RUNX2: variants seen among roughly 807,000 people sequenced by gnomAD.
RUNX2 encodes RUNX family transcription factor 2.
RUNX2 carries 10 observed loss-of-function variants against 51.7 expected under a neutral mutation model. The observed-to-expected ratio is 0.19, with a 90% CI of 0.12 to 0.33. The LOEUF (loss-of-function observed/expected upper bound fraction) is 0.33, where lower values mean the gene tolerates loss of function less well. RUNX2 is among the 10% of genes least tolerant of loss of function. The probability of loss-of-function intolerance (pLI) is 1.00; values close to 1 mark genes in which losing one functional copy is unlikely to be tolerated. For synonymous variants in RUNX2, 276 were observed against 273.6 expected (o/e 1.01, Z -0.09); for missense variants, 562 against 691.3 (o/e 0.81, Z 2.10).
intron 2 of RUNX2, among the ~76,000 whole-genome samples, chr6:45,332,695 A>G (rs1787754515): frequency 6.6e-6 from 1 of 151,850 alleles, no homozygotes; most frequent in Admixed American, 6.6e-5. Flanking sequence ...CCTCTATAGC[A>G]TCTATTAAAA....
chr6:45,374,750 A>G (rs1387063325), intron 2 of RUNX2, among the ~76,000 whole-genome samples: 1 of 152,144 alleles, frequency 6.6e-6, no homozygotes, highest in Non-Finnish European at 1.5e-5. Flanking sequence ...CCAAAAGATG[A>G]TTTTCTTCCA....
At chr6:45,350,940 G>A (rs1159827960) in intron 2 of RUNX2, among the ~76,000 whole-genome samples, 3 of 152,106 alleles carry the variant, frequency 2.0e-5, no homozygotes, top group African/African-American at 4.8e-5. Flanking sequence ...GCTCTACCTC[G>A]TGTCAGATCA....
At chr6:45,416,082 A>G (rs1370435941) in intron 2 of RUNX2, among the ~76,000 whole-genome samples, 1 of 152,238 alleles carries the variant, frequency 6.6e-6, no homozygotes, top group Non-Finnish European at 1.5e-5. Flanking sequence ...AGCATGGGGA[A>G]AAACACTGAG....
rs117337341 is a variant in RUNX2 at position 45,332,891 on chromosome 6, C to T, written c.58+4107C>T. 1.9e-3 allele frequency among the ~76,000 whole-genome samples: 292 copies of T among 151,712 alleles called. 8 individuals carry two copies. In the East Asian group the frequency reaches 0.054, roughly 28 times the overall value. On this transcript the variant is annotated intron_variant, in intron 2 of 8. Coordinates refer to ENST00000647337, the MANE Select transcript of RUNX2 (RefSeq NM_001024630.4). ...TAATTTAAGCAGAGACTTCTCAATA[C>T]GTTACCTTAATGTACTATTTTTTCT...
intron 2 of RUNX2, among the ~76,000 whole-genome samples, chr6:45,384,883 T>A (rs544102763): frequency 6.6e-6 from 1 of 151,874 alleles, no homozygotes; most frequent in Non-Finnish European, 1.5e-5. Context: ...TAAAAAAATT[T>A]TATGGAGATG....
At chr6:45,403,147 GA>G (rs148641889) in intron 2 of RUNX2, among the ~76,000 whole-genome samples, 11,707 of 151,638 alleles carry the variant, frequency 0.077, 583 homozygotes, top group African/African-American at 0.14. Context: ...CAAAAAATAG[GA>G]TTTAAGGATT....
intron 2 of RUNX2, among the ~76,000 whole-genome samples, chr6:45,389,632 C>A (rs964586548): frequency 1.3e-5 from 2 of 152,130 alleles, no homozygotes; most frequent in Non-Finnish European, 2.9e-5. Context: ...AGATCCAAGA[C>A]AGCAAGCCTT....
chr6:45,334,590 T>C (rs1390309224), intron 2 of RUNX2, among the ~76,000 whole-genome samples: 1 of 151,156 alleles, frequency 6.6e-6, no homozygotes, highest in Non-Finnish European at 1.5e-5. Flanking sequence ...GAACTTCACA[T>C]GAACACGATG....
chr6:45,468,953 C>T (rs1314256868), intron 5 of RUNX2, among the ~76,000 whole-genome samples: 1 of 152,222 alleles, frequency 6.6e-6, no homozygotes, highest in Admixed American at 6.5e-5. Context: ...GTGAACATGC[C>T]TTGCCTTTTC....
chr6:45,467,313 C>A (rs968548421), intron 5 of RUNX2, among the ~76,000 whole-genome samples: 1 of 151,978 alleles, frequency 6.6e-6, no homozygotes, highest in Non-Finnish European at 1.5e-5. Flanking sequence ...ACGAAGTCTC[C>A]CTCTGTCGCT....
At chr6:45,471,535 C>T (rs376284112) in intron 5 of RUNX2, among the ~76,000 whole-genome samples, 2 of 151,532 alleles carry the variant, frequency 1.3e-5, no homozygotes, top group African/African-American at 4.9e-5. Flanking sequence ...AGCTCCGCCT[C>T]CCAGGTTCAT....
At chr6:45,466,429 G>A (rs1011777320) in intron 5 of RUNX2, among the ~76,000 whole-genome samples, 4 of 152,228 alleles carry the variant, frequency 2.6e-5, no homozygotes, top group Non-Finnish European at 4.4e-5. Flanking sequence ...GGAGAAGTTA[G>A]GTAGTGTGCC....
At chr6:45,337,202 A>C (rs2150114347) in intron 2 of RUNX2, among the ~76,000 whole-genome samples, 1 of 151,856 alleles carries the variant, frequency 6.6e-6, no homozygotes, top group South Asian at 2.1e-4. Context: ...TTTTTTCTAA[A>C]CTGGCAAGAC....
At chr6:45,534,285 A>T (rs769360288) in intron 7 of RUNX2, among the ~76,000 whole-genome samples, 3 of 152,048 alleles carry the variant, frequency 2.0e-5, no homozygotes, top group Admixed American at 1.3e-4. Context: ...TGGAAACCCA[A>T]CGCGTTCACT....
chr6:45,546,337 G>A (rs1802399416), intron 8 of RUNX2, among the ~76,000 whole-genome samples: 1 of 152,076 alleles, frequency 6.6e-6, no homozygotes, highest in African/African-American at 2.4e-5. Flanking sequence ...ATATCTTTTT[G>A]ATGTTCCTTC....
intron 7 of RUNX2, among the ~76,000 whole-genome samples, chr6:45,520,351 T>G (rs1305947639): frequency 6.6e-6 from 1 of 152,212 alleles, no homozygotes. Flanking sequence ...AATATTTTTT[T>G]CCTAATCTTG....
chr6:45,457,133 A>G (rs764564054), intron 5 of RUNX2, among the ~76,000 whole-genome samples: 1 of 152,166 alleles, frequency 6.6e-6, no homozygotes, highest in Non-Finnish European at 1.5e-5. Flanking sequence ...AAAAAATTCA[A>G]ATCAATTTTG....
chr6:45,470,763 G>A (rs1047052231), intron 5 of RUNX2, among the ~76,000 whole-genome samples: 33 of 152,140 alleles, frequency 2.2e-4, no homozygotes, highest in African/African-American at 8.0e-4. Context: ...TCACTAACAG[G>A]CCTGTTTCCC....
At chr6:45,493,752 G>T (rs1334417581) in intron 6 of RUNX2, among the ~76,000 whole-genome samples, 1 of 151,774 alleles carries the variant, frequency 6.6e-6, no homozygotes, top group African/African-American at 2.4e-5. Flanking sequence ...GTGTGTGTGT[G>T]TGTGTTTGTA....
Sources: allele counts gnomAD v4.1 joint callset (sites outside exome capture counted in the v4.1 genomes callset), GRCh38; gene constraint gnomAD v4.1.1; transcripts MANE v1.5; gene names NCBI Gene and HGNC (gene_info 2026-07-23, HGNC 2026-07-21).